FUT8: variants seen among roughly 807,000 people sequenced by gnomAD.
The protein encoded by FUT8 is alpha-(1,6)-fucosyltransferase.
In FUT8, 29 loss-of-function variants were observed where a neutral mutation model predicts 71.3. That is an observed-to-expected ratio of 0.41 (90% CI 0.30 to 0.55). The LOEUF is 0.55. FUT8 is among the 20% of genes least tolerant of loss of function. FUT8 has a pLI of 0.34. For missense variants in FUT8, 544 were observed against 702.1 expected, an observed-to-expected ratio of 0.77 and a Z score of 2.55; for synonymous variants, 254 against 239.3, an observed-to-expected ratio of 1.06 and a Z score of -0.57.
At chr14:65,460,909 A>G (rs547411286) in intron 2 of FUT8, among the ~76,000 whole-genome samples, 16 of 152,190 alleles carry the variant, frequency 1.1e-4, no homozygotes, top group Non-Finnish European at 2.4e-4. Flanking sequence ...TGTAATGAAC[A>G]ATCACATTAT....
intron 2 of FUT8, among the ~76,000 whole-genome samples, chr14:65,557,337 T>G (rs113142048): frequency 3.7e-5 from 4 of 107,054 alleles, no homozygotes; most frequent in East Asian, 5.0e-4. Context: ...CTCTCTCCCC[T>G]TTTTTTTTTT....
intron 7 of FUT8, among the ~76,000 whole-genome samples, chr14:65,673,891 T>A (rs1359580573): frequency 1.3e-5 from 2 of 152,174 alleles, no homozygotes; most frequent in Non-Finnish European, 2.9e-5. Flanking sequence ...TATTCAAATA[T>A]CTCACTCAGG....
Position 65,466,532 on chromosome 14 carries a change from C to T in FUT8, c.-228+10814C>T, listed in dbSNP as rs1413706165. On this transcript the variant is annotated intron_variant, in intron 2 of 10. Coordinates refer to ENST00000673929, the MANE Select transcript of FUT8 (RefSeq NM_001371533.1). ...TGGGAGGCCAAGGCGGGTGGATCAC[C>T]TGAGGTCAGGAGTTCGAGACTAGCC... is the stretch of plus-strand genomic sequence containing the variant. 3.3e-5 allele frequency among the ~76,000 whole-genome samples: 5 copies of T among 152,052 alleles called. No individual in the cohort carries two copies. In the East Asian group the frequency reaches 7.7e-4, roughly 23 times the overall value.
chr14:65,425,125 C>A (rs763817406), intron 1 of FUT8, among the ~76,000 whole-genome samples: 6 of 151,568 alleles, frequency 4.0e-5, no homozygotes, highest in Non-Finnish European at 7.4e-5. Flanking sequence ...CCTGAGAGCT[C>A]TAAGAGTTTA....
chr14:65,420,453 A>G (rs1026196413), intron 1 of FUT8, among the ~76,000 whole-genome samples: 6 of 152,052 alleles, frequency 3.9e-5, no homozygotes, highest in African/African-American at 1.4e-4. Context: ...ACAGAGGCTT[A>G]GAGTAGTACA....
At chr14:65,372,168 C>T in the FUT8 span, among the ~76,000 whole-genome samples, 1 of 152,136 alleles carries the variant, frequency 6.6e-6, no homozygotes, top group Admixed American at 6.5e-5. Context: ...ACCTCCTCCC[C>T]TACACAAATT....
chr14:65,511,033 A>G (rs1209978439), intron 2 of FUT8, among the ~76,000 whole-genome samples: 1 of 151,796 alleles, frequency 6.6e-6, no homozygotes. Context: ...TTTTTGATGT[A>G]GGCACTTGTA....
At chr14:65,670,776 T>C (rs1892439633) in intron 7 of FUT8, among the ~76,000 whole-genome samples, 1 of 152,190 alleles carries the variant, frequency 6.6e-6, no homozygotes, top group African/African-American at 2.4e-5. Flanking sequence ...TGAAACTTAA[T>C]TGAGTACTTT....
intron 5 of FUT8, among the ~76,000 whole-genome samples, chr14:65,624,766 C>T (rs914099719): frequency 2.0e-5 from 3 of 152,208 alleles, no homozygotes; most frequent in Non-Finnish European, 4.4e-5. Flanking sequence ...ATCTCCAGCA[C>T]GATACTGTTA....
chr14:65,664,791 A>G (rs1258801552), intron 6 of FUT8, among the ~76,000 whole-genome samples: 1 of 152,152 alleles, frequency 6.6e-6, no homozygotes, highest in Non-Finnish European at 1.5e-5. Context: ...AGAACTGGTT[A>G]CATTGCCTCT....
the FUT8 span, among the ~76,000 whole-genome samples, chr14:65,392,674 A>C: frequency 5.3e-5 from 8 of 152,278 alleles, no homozygotes; most frequent in Admixed American, 2.6e-4. Flanking sequence ...ATAATACATG[A>C]ATAATAGGAG....
At chr14:65,432,293 A>T (rs1297574454) in intron 1 of FUT8, among the ~76,000 whole-genome samples, 1 of 152,088 alleles carries the variant, frequency 6.6e-6, no homozygotes, top group Admixed American at 6.6e-5. Flanking sequence ...CCTGAACGTC[A>T]GTTTCCAGCT....
At chr14:65,738,423 A>T (rs1420459351) in intron 10 of FUT8, among the ~76,000 whole-genome samples, 4 of 151,944 alleles carry the variant, frequency 2.6e-5, no homozygotes, top group South Asian at 2.1e-4. Flanking sequence ...CCTTTTTAAA[A>T]TTTTTTTTAA....
intron 5 of FUT8, among the ~76,000 whole-genome samples, chr14:65,619,261 C>T (rs1416375103): frequency 1.3e-5 from 2 of 152,132 alleles, no homozygotes; most frequent in African/African-American, 2.4e-5. Context: ...GAGTTCACCA[C>T]GATGCCTGTG....
chr14:65,445,236 C>G (rs1430644592), intron 1 of FUT8, among the ~76,000 whole-genome samples: 1 of 152,132 alleles, frequency 6.6e-6, no homozygotes. Context: ...AAAGGGCTTG[C>G]TCTCTTCTGC....
chr14:65,542,264 T>G (rs574937488), intron 2 of FUT8, among the ~76,000 whole-genome samples: 7 of 152,322 alleles, frequency 4.6e-5, no homozygotes, highest in Non-Finnish European at 7.4e-5. Flanking sequence ...GCTTGATTCT[T>G]TACTGTCCCA....
intron 6 of FUT8, among the ~76,000 whole-genome samples, chr14:65,647,095 C>T (rs752651104): frequency 6.6e-6 from 1 of 152,140 alleles, no homozygotes; most frequent in Non-Finnish European, 1.5e-5. Flanking sequence ...AAGGTTCGCA[C>T]TGATTTCTTT....
chr14:65,360,262 C>T, the FUT8 span, among the ~76,000 whole-genome samples: 1 of 152,262 alleles, frequency 6.6e-6, no homozygotes, highest in Admixed American at 6.5e-5. Flanking sequence ...TGAAACAACT[C>T]TGTCAGTCTT....
chr14:65,500,203 T>C (rs2066624353), intron 2 of FUT8, among the ~76,000 whole-genome samples: 1 of 152,204 alleles, frequency 6.6e-6, no homozygotes, highest in Non-Finnish European at 1.5e-5. Flanking sequence ...AGCACAGTTA[T>C]GCAGTGTTCC....
Sources: gnomAD v4.1 joint callset for allele counts (sites outside exome capture counted in the v4.1 genomes callset) on GRCh38, gnomAD v4.1.1 for gene constraint, MANE v1.5 for transcripts, NCBI Gene and HGNC (gene_info 2026-07-23, HGNC 2026-07-21) for gene names.